The following CNTD1 variants were observed in gnomAD, a reference collection of about 807,000 sequenced individuals.
CNTD1 encodes cyclin N-terminal domain-containing protein 1.
A neutral mutation model predicts 36.3 loss-of-function variants in CNTD1; 17 were observed. The observed-to-expected ratio is 0.47, with a 90% confidence interval of 0.32 to 0.70. CNTD1 has a LOEUF of 0.70. Ranked by LOEUF, CNTD1 falls within the 30% of genes least tolerant of loss-of-function variation. The probability of loss-of-function intolerance (pLI) is 0.03; values close to 1 mark genes in which losing one functional copy is unlikely to be tolerated. For synonymous variants in CNTD1, 128 were observed against 153.3 expected (o/e 0.83, Z 1.22); for missense variants, 338 against 386.1 (o/e 0.88, Z 1.04).
At position 42,799,081 on chromosome 17, in the gene CNTD1, T is replaced by C; in HGVS notation, c.14T>C (p.Met5Thr). The change falls in exon 1 of 7, where the codon ATG (methionine) becomes ACG (threonine). Residue 5 changes from methionine (M) to threonine (T), a missense_variant. By Grantham distance (81) the Met-to-Thr change is moderately conservative. Transcript: ENST00000588408. ...AGGCTCGTGAATATGGACGGACCCA[T>C]GAGGCCACGATCGGCCTCCCTCGTT... is the stretch of plus-strand genomic sequence containing the variant. MDGP[M>T]RPRSASLVDF... 1.9e-6 allele frequency: 3 copies of C among 1,613,890 alleles called. No homozygotes were observed. Among genetic ancestry groups the C allele is most frequent in the Non-Finnish European group, 2.5e-6 (3 of 1,179,972 alleles).
intron 4 of CNTD1, 67 bp downstream of exon 4, chr17:42,805,951 G>A (rs114852389): frequency 3.4e-6 from 5 of 1,455,918 alleles, no homozygotes; most frequent in South Asian, 1.3e-5. Flanking sequence ...ATGTGCATGG[G>A]GGGGCATGGC....
intron 3 of CNTD1, 96 bp from the exon 4 acceptor site, chr17:42,805,626 A>G: frequency 2.8e-6 from 3 of 1,070,518 alleles, no homozygotes; most frequent in Non-Finnish European, 4.0e-6. Context: ...ACTGAAGATG[A>G]AGGAATAGGC....
rs774979463 is a variant in CNTD1, at chr17:42,799,061, C to T, written c.-7C>T. On this transcript the variant is annotated 5_prime_UTR_variant, in exon 1 of 7. Transcript: ENST00000588408. ...ACCCGTCCAGGTGCCCCAAGAGGCT[C>T]GTGAATATGGACGGACCCATGAGGC... 6.2e-7 allele frequency: 1 copy of T among 1,613,388 alleles called. No homozygotes were observed. Among genetic ancestry groups the T allele is most frequent in the Non-Finnish European group, 8.5e-7 (1 of 1,179,732 alleles).
At chr17:42,806,903 T>C (rs2054888736) in intron 5 of CNTD1, 85 bp downstream of exon 5, 2 of 1,300,626 alleles carry the variant, frequency 1.5e-6, no homozygotes, top group Non-Finnish European at 2.2e-6. Context: ...GGAATTAGCC[T>C]AGCATGGCAT....
At chr17:42,807,699 C>T in intron 5 of CNTD1, 69 bp from the exon 6 acceptor site, 2 of 1,122,708 alleles carry the variant, frequency 1.8e-6, no homozygotes, top group Non-Finnish European at 2.7e-6. Flanking sequence ...GTTGAAGTTC[C>T]ATGACCCTAT....
Position 42,810,469 on chromosome 17 carries a change from TAAAAA to T in CNTD1, c.*938_*942del, listed in dbSNP as rs1042066751. ...CACATCAATCTCAATTCAACTCAGT[TAAAAA>T]AAAGAAAAGCAAATTTAAATTAGTT... is the stretch of plus-strand genomic sequence containing the variant. On this transcript the variant is annotated 3_prime_UTR_variant, in exon 7 of 7. Transcript: ENST00000588408. 2 of 207,636 alleles carry T rather than the reference TAAAAA, an allele frequency of 9.6e-6. No individual in the cohort carries two copies. The highest frequency in any genetic ancestry group is 4.6e-5 in the African/African-American group (2 of 43,356). The allele number at this position is 207,636 out of a possible 1,614,324, so 12.9% of individuals were successfully genotyped here.
intron 1 of CNTD1, among the ~76,000 whole-genome samples, chr17:42,803,416 C>G (rs1338770557): frequency 1.3e-5 from 2 of 152,236 alleles, no homozygotes; most frequent in Non-Finnish European, 2.9e-5. Flanking sequence ...GTCTTTGGCA[C>G]TCAGTCAGCC....
intron 1 of CNTD1, among the ~76,000 whole-genome samples, chr17:42,802,300 G>A (rs1263997481): frequency 6.6e-6 from 1 of 152,112 alleles, no homozygotes; most frequent in African/African-American, 2.4e-5. Context: ...GCAGATCTGA[G>A]TATGCTTGTT....
Position 42,798,895 on chromosome 17 carries a change from G to C in CNTD1, c.-173G>C. On this transcript the variant is annotated 5_prime_UTR_variant, in exon 1 of 7. Coordinates refer to ENST00000588408, the MANE Select transcript of CNTD1 (RefSeq NM_173478.3). Reference sequence around the variant, plus strand: ...GTGGCCGTTGGGGCGGGAAAAAGCTGTGGAGGGTTCGAGGCTGTGGTGGTA... The same window carrying C: ...GTGGCCGTTGGGGCGGGAAAAAGCTCTGGAGGGTTCGAGGCTGTGGTGGTA... The C allele has an allele frequency of 6.9e-7, 1 of 1,444,094 alleles. No individual in the cohort carries two copies. The highest frequency in any genetic ancestry group is 2.5e-5 in the East Asian group (1 of 40,254). The allele number at this position is 1,444,094 out of a possible 1,614,324, so 89.5% of individuals were successfully genotyped here. A position where few individuals can be genotyped will look rare whatever the true frequency, so the allele number is the denominator to read the frequency against.
At chr17:42,801,527 A>G (rs2054790367) in intron 1 of CNTD1, among the ~76,000 whole-genome samples, 1 of 78,646 alleles carries the variant, frequency 1.3e-5, no homozygotes, top group Non-Finnish European at 2.3e-5. Context: ...ATATATATAT[A>G]TATATATATA....
chr17:42,808,885 A>C (rs1417456765), intron 6 of CNTD1, among the ~76,000 whole-genome samples: 1 of 152,138 alleles, frequency 6.6e-6, no homozygotes, highest in Non-Finnish European at 1.5e-5. Flanking sequence ...TCATTTCTAC[A>C]AAAAATAAAC....
chr17:42,808,262 G>C (rs1337186309), intron 6 of CNTD1, among the ~76,000 whole-genome samples: 1 of 151,936 alleles, frequency 6.6e-6, no homozygotes, highest in African/African-American at 2.4e-5. Context: ...TTAAAAATTA[G>C]TCATGGCTGG....
At chr17:42,809,280 A>C (rs1401391813) in intron 6 of CNTD1, 85 bp from the exon 7 acceptor site, 3 of 1,281,540 alleles carry the variant, frequency 2.3e-6, no homozygotes, top group African/African-American at 3.0e-5. Flanking sequence ...TTGCCTTGAG[A>C]GAACATCCCA....
Position 42,806,834 on chromosome 17 carries a change from T to G in CNTD1, c.725+16T>G. The G allele has an allele frequency of 3.1e-6, 5 of 1,613,278 alleles. No individual in the cohort carries two copies. Among genetic ancestry groups the G allele is most frequent in the Non-Finnish European group, 2.5e-6 (3 of 1,179,452 alleles). ...AGCTGCAAGGGTAAGACAACTCCTA[T>G]AGGGTAGGCTCCTTCCAGGAACAGG... is the stretch of plus-strand genomic sequence containing the variant. On this transcript the variant is annotated intron_variant, in intron 5 of 6. Transcript: ENST00000588408.
intron 1 of CNTD1, among the ~76,000 whole-genome samples, chr17:42,801,510 A>AATATATATATATATATAT (rs1216506814): frequency 1.8e-5 from 1 of 54,344 alleles, no homozygotes; most frequent in Admixed American, 2.8e-4. Context: ...AAAAAAAAAA[A>AATATATATATATATATAT]ATATATATAT....
chr17:42,806,937 G>T (rs2054889317), intron 5 of CNTD1, 119 bp downstream of exon 5: 2 of 884,058 alleles, frequency 2.3e-6, no homozygotes, highest in Admixed American at 2.5e-5. Flanking sequence ...ACCTACTCAG[G>T]CTACCTGGTT....
intron 6 of CNTD1, among the ~76,000 whole-genome samples, chr17:42,808,553 T>TAAAAAAA (rs775660371): frequency 1.0e-5 from 1 of 99,918 alleles, no homozygotes; most frequent in African/African-American, 4.0e-5. Flanking sequence ...CCCATCTCAT[T>TAAAAAAA]AAAAAAAAAA....
intron 5 of CNTD1, 21 bp downstream of exon 5, chr17:42,806,839 T>C (rs755187664): frequency 6.2e-7 from 1 of 1,612,662 alleles, no homozygotes; most frequent in Admixed American, 1.7e-5. Flanking sequence ...TCCTATAGGG[T>C]AGGCTCCTTC....
chr17:42,807,797 T>G lies in CNTD1; in HGVS notation c.755T>G (p.Phe252Cys). The change falls in exon 6 of 7, where the codon TTC (phenylalanine) becomes TGC (cysteine). Residue 252 changes from phenylalanine to cysteine, a missense_variant. Coordinates refer to ENST00000588408, the MANE Select transcript of CNTD1 (RefSeq NM_173478.3). ...GEKFTSVKED[F>C]MLLAVGIIAA... ...AAGTTTACTTCAGTGAAGGAAGACTTCATGCTGTTGGCAGTAGGAATCATT... is the reference window on the plus strand; with the variant it reads ...AAGTTTACTTCAGTGAAGGAAGACTGCATGCTGTTGGCAGTAGGAATCATT... The G allele has an allele frequency of 6.2e-7, 1 of 1,614,154 alleles. No individual in the cohort carries two copies. Among genetic ancestry groups the G allele is most frequent in the African/African-American group, 1.3e-5 (1 of 75,068 alleles).
Sources: allele counts gnomAD v4.1 joint callset (sites outside exome capture counted in the v4.1 genomes callset), GRCh38; gene constraint gnomAD v4.1.1; transcripts MANE v1.5; gene names NCBI Gene and HGNC (gene_info 2026-07-23, HGNC 2026-07-21).